The following NRG4 variants were observed in gnomAD, a reference collection of about 807,000 sequenced individuals.
NRG4 encodes neuregulin 4.
In NRG4, 10 loss-of-function variants were observed where a neutral mutation model predicts 15.0. The observed-to-expected ratio is 0.67, with a 90% CI of 0.41 to 1.13. NRG4 has a LOEUF of 1.13. NRG4 is among the 50% of genes most tolerant of loss of function. The pLI, the probability that NRG4 is intolerant of heterozygous loss-of-function variation, is 0.00. For missense variants in NRG4, 139 were observed against 140.2 expected (o/e 0.99, Z 0.04); for synonymous variants, 41 against 50.1 (o/e 0.82, Z 0.77).
intron 4 of NRG4, among the ~76,000 whole-genome samples, chr15:76,050,637 G>T (rs1190754282): frequency 2.1e-5 from 3 of 142,480 alleles, no homozygotes; most frequent in Non-Finnish European, 4.5e-5. Flanking sequence ...GTAGAGGCGG[G>T]GTTTCACCAT....
At chr15:75,982,259 A>G (rs951957115) in intron 3 of NRG4, among the ~76,000 whole-genome samples, 6 of 152,204 alleles carry the variant, frequency 3.9e-5, no homozygotes, top group Non-Finnish European at 7.3e-5. Context: ...ATAAAATACA[A>G]TAAGAATCAG....
intron 3 of NRG4, among the ~76,000 whole-genome samples, chr15:75,991,943 A>G (rs1403554863): frequency 6.6e-6 from 1 of 151,974 alleles, no homozygotes; most frequent in East Asian, 1.9e-4. Context: ...TTATTTTCTG[A>G]ACCTTCCTTT....
intron 5 of NRG4, among the ~76,000 whole-genome samples, chr15:76,029,109 T>C (rs77452453): frequency 0.019 from 2,828 of 152,086 alleles, 86 homozygotes; most frequent in East Asian, 0.15. Flanking sequence ...CCTGATCAAG[T>C]GGGATTTATG....
intron 4 of NRG4, among the ~76,000 whole-genome samples, chr15:75,961,235 C>T (rs1317802848): frequency 4.6e-5 from 7 of 151,732 alleles, no homozygotes; most frequent in Non-Finnish European, 1.0e-4. Context: ...AAAATCAAAA[C>T]GAATGAAAGT....
In NRG4 at chr15:75,941,078, C is replaced by G. The variant is rs1470189827; in HGVS notation, c.*2560G>C. On this transcript the variant is annotated 3_prime_UTR_variant, in exon 6 of 6. Transcript: ENST00000394907. ...AACATCCAGAATACATACAAAACTC[C>G]CAAAATGCAACAACAGTGTAAAAAC... is the stretch of plus-strand genomic sequence containing the variant. 2.0e-5 allele frequency: 3 copies of G among 152,012 alleles called. No individual in the cohort carries two copies. The highest frequency in any genetic ancestry group is 2.4e-5 in the African/African-American group (1 of 41,392). 9.4% of individuals were successfully genotyped at this position (152,012 alleles called of 1,614,324 possible).
chr15:75,953,972 C>G (rs867795850), intron 5 of NRG4, among the ~76,000 whole-genome samples: 17 of 152,084 alleles, frequency 1.1e-4, no homozygotes, highest in Middle Eastern at 3.2e-3. Context: ...CAGGCGTGAG[C>G]CAGAGTGCCA....
At chr15:76,025,652 G>C (rs1750763842) in intron 5 of NRG4, among the ~76,000 whole-genome samples, 2 of 152,078 alleles carry the variant, frequency 1.3e-5, no homozygotes, top group African/African-American at 2.4e-5. Context: ...AAGACTGGTA[G>C]ATCACTTGAG....
At chr15:75,972,582 G>C (rs2033149488) in intron 3 of NRG4, among the ~76,000 whole-genome samples, 1 of 152,078 alleles carries the variant, frequency 6.6e-6, no homozygotes. Flanking sequence ...TCAGTTTTCT[G>C]CCTATGGCTA....
downstream of NRG4, chr15:75,939,870 G>A (rs1195656271): frequency 1.3e-5 from 2 of 152,000 alleles, no homozygotes; most frequent in Non-Finnish European, 2.9e-5. Context: ...AGGGATAAGA[G>A]GAAACTACCT....
At chr15:76,039,894 C>A (rs1048377961) in intron 4 of NRG4, among the ~76,000 whole-genome samples, 1 of 152,034 alleles carries the variant, frequency 6.6e-6, no homozygotes, top group African/African-American at 2.4e-5. Flanking sequence ...ATTAGCTGGG[C>A]GTGGTGGCAC....
intron 3 of NRG4, among the ~76,000 whole-genome samples, chr15:76,008,887 T>A (rs965366409): frequency 1.3e-5 from 2 of 152,178 alleles, no homozygotes; most frequent in Non-Finnish European, 2.9e-5. Flanking sequence ...GCCAGTAATA[T>A]TAAGCATAGA....
At chr15:76,032,432 G>A (rs1004093612) in intron 5 of NRG4, among the ~76,000 whole-genome samples, 3 of 152,106 alleles carry the variant, frequency 2.0e-5, no homozygotes, top group Non-Finnish European at 2.9e-5. Context: ...GGACCTTTCC[G>A]ATTATTTTTA....
intron 3 of NRG4, among the ~76,000 whole-genome samples, chr15:75,991,629 T>TG (rs2034021708): frequency 1.0e-5 from 1 of 95,696 alleles, no homozygotes; most frequent in Non-Finnish European, 2.7e-5. Context: ...CCTTAGTGAA[T>TG]TTTTTTTTTT....
chr15:76,008,259 A>AGTGTTTTT (rs1393200609), intron 3 of NRG4, among the ~76,000 whole-genome samples: 63 of 152,106 alleles, frequency 4.1e-4, no homozygotes, highest in Non-Finnish European at 7.6e-4. Flanking sequence ...GAGAAGAAAA[A>AGTGTTTTT]CACCTGGGCA....
chr15:76,049,270 TAAC>T (rs2035942305), intron 4 of NRG4, among the ~76,000 whole-genome samples: 1 of 150,836 alleles, frequency 6.6e-6, no homozygotes, highest in Non-Finnish European at 1.5e-5. Context: ...TGGTCATCCT[TAAC>T]ATCTCCTTGC....
chr15:75,955,353 A>G (rs918450902), intron 5 of NRG4, among the ~76,000 whole-genome samples: 1 of 152,154 alleles, frequency 6.6e-6, no homozygotes, highest in Non-Finnish European at 1.5e-5. Context: ...TAAGGCAATC[A>G]TTGGCTTACC....
chr15:76,011,169 C>G, intron 2 of NRG4, 52 bp downstream of exon 2: 1 of 1,301,630 alleles, frequency 7.7e-7, no homozygotes, highest in Non-Finnish European at 1.0e-6. Context: ...GATTGTTGTT[C>G]TATTGCTATG....
At chr15:76,037,511 C>G (rs904538514) in intron 4 of NRG4, among the ~76,000 whole-genome samples, 1 of 152,172 alleles carries the variant, frequency 6.6e-6, no homozygotes, top group Non-Finnish European at 1.5e-5. Context: ...CAGACAAGCC[C>G]TAGCCAGAGG....
Position 75,943,539 on chromosome 15 carries a change from A to G in NRG4, c.*99T>C, listed in dbSNP as rs1255633911. On this transcript the variant is annotated 3_prime_UTR_variant, in exon 6 of 6. Coordinates refer to ENST00000394907, the MANE Select transcript of NRG4 (RefSeq NM_138573.4). ...ACGAGTTACACAAGCGTTTTATTTAAGAAATAAAGGATTAGATTTTTAATT... is the reference window on the plus strand; with the variant it reads ...ACGAGTTACACAAGCGTTTTATTTAGGAAATAAAGGATTAGATTTTTAATT... 1.3e-6 allele frequency: 1 copy of G among 767,418 alleles called. No individual in the cohort carries two copies. Among genetic ancestry groups the G allele is most frequent in the African/African-American group, 1.8e-5 (1 of 56,972 alleles). 47.5% of individuals were successfully genotyped at this position (767,418 alleles called of 1,614,324 possible).
Sources: gnomAD v4.1 joint callset for allele counts (sites outside exome capture counted in the v4.1 genomes callset) on GRCh38, gnomAD v4.1.1 for gene constraint, MANE v1.5 for transcripts, NCBI Gene and HGNC (gene_info 2026-07-23, HGNC 2026-07-21) for gene names.